Variants in SLFN12L observed in about 807,000 individuals in gnomAD.
SLFN12L encodes the protein schlafen family member 12-like.
A neutral mutation model predicts 34.8 loss-of-function variants in SLFN12L; 34 were observed. That is an observed-to-expected ratio of 0.98 (90% confidence interval 0.74 to 1.30). SLFN12L has a LOEUF of 1.30. Ranked by LOEUF, SLFN12L falls within the 50% of genes most tolerant of loss-of-function variation. The probability of loss-of-function intolerance (pLI) is 0.00; values close to 1 mark genes in which losing one functional copy is unlikely to be tolerated. For synonymous variants in SLFN12L, 259 were observed against 247.5 expected, an observed-to-expected ratio of 1.05 and a Z score of -0.44; for missense variants, 703 against 696.2, an observed-to-expected ratio of 1.01 and a Z score of -0.11.
At position 35,480,064 on chromosome 17, in the gene SLFN12L, A is replaced by T. The variant is rs1567648461; in HGVS notation, c.218T>A (p.Met73Lys). The T allele has an allele frequency of 3.7e-6, 6 of 1,613,766 alleles. No individual in the cohort carries two copies. Among genetic ancestry groups the T allele is most frequent in the Non-Finnish European group, 5.1e-6 (6 of 1,179,932 alleles). ...CTGTTTTCTCAGTTGACAATCCTTC[A>T]TTTTTTTTCTATTGTTCTCTCCAAG... is the stretch of plus-strand genomic sequence containing the variant. ...VTLGENNRKK[M>K]KDCQLRKQQN... is the part of the protein sequence containing the mutation. The change falls in exon 3 of 5, where the codon ATG becomes AAG. Residue 73 changes from methionine to lysine, a missense_variant. Physicochemically the swap from Met to Lys is moderately conservative, Grantham distance 95. Transcript: ENST00000628453.
chr17:35,498,948 C>T lies in SLFN12L; in HGVS notation c.87-18753G>A, dbSNP rs141258952. The T allele has an allele frequency of 6.3e-4, 455 of 718,264 alleles. 1 individual carries two copies. In the Middle Eastern group the frequency reaches 0.021, roughly 34 times the overall value. The allele number at this position is 718,264 out of a possible 1,614,324, so 44.5% of individuals were successfully genotyped here. On this transcript the variant is annotated intron_variant, in intron 2 of 4. Transcript: ENST00000628453. ...TGCTGCCCTGGAGGTCTTACAGGAG[C>T]GCATTAAGCAAGTCAAGGATGGGTG...
chr17:35,495,817 T>C (rs751851018), intron 2 of SLFN12L, among the ~76,000 whole-genome samples: 32 of 150,524 alleles, frequency 2.1e-4, no homozygotes, highest in Non-Finnish European at 4.3e-4. Context: ...CTGGTCAGGG[T>C]GAGGACCCCC....
intron 2 of SLFN12L, among the ~76,000 whole-genome samples, chr17:35,493,614 T>C (rs1359052517): frequency 6.6e-6 from 1 of 152,244 alleles, no homozygotes; most frequent in East Asian, 1.9e-4. Context: ...ATGTCCATAC[T>C]GTATTTTGTT....
chr17:35,499,898 C>T (rs1332567253), intron 2 of SLFN12L: 1 of 159,424 alleles, frequency 6.3e-6, no homozygotes, highest in Non-Finnish European at 1.3e-5. Flanking sequence ...AAAATGTAGG[C>T]CAAGGAAGAT....
rs1913775965 is a variant in SLFN12L, at chr17:35,469,782, T to A, written c.*5141A>T. On this transcript the variant is annotated 3_prime_UTR_variant, in exon 5 of 5. Coordinates refer to ENST00000628453, the MANE Select transcript of SLFN12L (RefSeq NM_001363830.2). ...TCACACATCGAGCCAATATTTTCCC[T>A]ACCCTACATAAACCCAGGGCCATGT... Among the ~76,000 whole-genome samples the A allele has an allele frequency of 6.6e-6, 1 of 152,142 alleles. No individual in the cohort carries two copies. Among genetic ancestry groups the A allele is most frequent in the African/African-American group, 2.4e-5 (1 of 41,438 alleles).
At chr17:35,498,091 G>T in intron 2 of SLFN12L, 2 of 530,192 alleles carry the variant, frequency 3.8e-6, no homozygotes, top group Non-Finnish European at 6.6e-6. Flanking sequence ...GGCGGGGCGC[G>T]GGGCTCCAGG....
At chr17:35,513,890 G>A (rs548790741) in intron 2 of SLFN12L, among the ~76,000 whole-genome samples, 35 of 152,250 alleles carry the variant, frequency 2.3e-4, no homozygotes. Flanking sequence ...TTGTATCATT[G>A]AAAAAAGATA....
chr17:35,530,523 A>AAAGAAAGAAAGAAAGAAAG (rs1567694723), intron 1 of SLFN12L, among the ~76,000 whole-genome samples: 1 of 43,834 alleles, frequency 2.3e-5, no homozygotes, highest in African/African-American at 7.1e-5. Flanking sequence ...AAAAGAAAAG[A>AAAGAAAGAAAGAAAGAAAG]AAAGAAAAGA....
intron 2 of SLFN12L, chr17:35,490,029 C>G (rs1567659306): frequency 6.2e-6 from 10 of 1,601,172 alleles, no homozygotes; most frequent in Non-Finnish European, 8.5e-6. Flanking sequence ...ACCACGAACA[C>G]TTCCACCACC....
intron 2 of SLFN12L, among the ~76,000 whole-genome samples, chr17:35,515,795 C>A (rs1370376023): frequency 6.6e-6 from 1 of 151,848 alleles, no homozygotes; most frequent in Non-Finnish European, 1.5e-5. Flanking sequence ...AGGAGCCCAC[C>A]ACCACACCCG....
chr17:35,490,343 GA>G lies in SLFN12L; in HGVS notation c.87-10149del, dbSNP rs535857194. 5 of 1,365,690 alleles carry G rather than the reference GA, an allele frequency of 3.7e-6. No individual in the cohort carries two copies. In the Admixed American group the frequency reaches 8.4e-5, roughly 23 times the overall value. The allele number at this position is 1,365,690 out of a possible 1,614,324, so 84.6% of individuals were successfully genotyped here. A position where few individuals can be genotyped will look rare whatever the true frequency, so the allele number is the denominator to read the frequency against. On this transcript the variant is annotated intron_variant, in intron 2 of 4. Transcript: ENST00000628453. Reference sequence around the variant, plus strand: ...TCCAAAAACTCCAAAATCTACCTCAGAAAAAACACGGTACGATAGTCTCTTG... The same window carrying G: ...TCCAAAAACTCCAAAATCTACCTCAGAAAAACACGGTACGATAGTCTCTTG...
intron 2 of SLFN12L, chr17:35,498,401 T>G: frequency 1.6e-6 from 2 of 1,278,120 alleles, no homozygotes; most frequent in Non-Finnish European, 2.3e-6. Context: ...CTGCAGTCCC[T>G]TGCCAGGCAG....
chr17:35,490,046 T>A lies in SLFN12L; in HGVS notation c.87-9851A>T, dbSNP rs1212051439. The A allele has an allele frequency of 3.1e-6, 5 of 1,604,274 alleles. No homozygotes were observed. The East Asian group carries it at 1.1e-4, about 36-fold the overall frequency. ...CACGAACACTTCCACCACCTCCTGT[T>A]CCCTCTCCCTCCAAAGCGGCGCCGT... On this transcript the variant is annotated intron_variant, in intron 2 of 4. Coordinates refer to ENST00000628453, the MANE Select transcript of SLFN12L (RefSeq NM_001363830.2).
chr17:35,479,199 A>G lies in SLFN12L; in HGVS notation c.1083T>C (p.Pro361=). The change falls in exon 3 of 5, where the codon CCT becomes CCC. Residue 361 remains proline (P), a synonymous_variant. Transcript: ENST00000628453. ...TGTTATCTTTCACGTGCCAGGAATC[A>G]GGCTTTTTAGCAAACACTGCACAGC... The part of the protein sequence containing the change: ...RFCCAVFAKK[P]DSWHVKDNRV... 6.3e-7 allele frequency: 1 copy of G among 1,582,148 alleles called. No individual in the cohort carries two copies.
At position 35,536,781 on chromosome 17, in the gene SLFN12L, C is replaced by G. The variant is rs186168253; in HGVS notation, c.-606+792G>C. Among the ~76,000 whole-genome samples, 536 of 151,610 alleles carry G rather than the reference C, an allele frequency of 3.5e-3. 6 individuals carry two copies. Among genetic ancestry groups the G allele is most frequent in the African/African-American group, 0.013 (516 of 41,240 alleles). ...CCACGATTGCATCACTGCACTCCAG[C>G]CTGGGTGACAGAGTGAGAGCCTGTC... On this transcript the variant is annotated intron_variant, in intron 1 of 4. Coordinates refer to ENST00000628453, the MANE Select transcript of SLFN12L (RefSeq NM_001363830.2).
rs1415228807 is a variant in SLFN12L at position 35,468,039 on chromosome 17, A to G, written c.*6884T>C. On this transcript the variant is annotated 3_prime_UTR_variant, in exon 5 of 5. Transcript: ENST00000628453. ...ATCCTCTCACCTCAGCCTCCTGAGA[A>G]GCTGCGACCACAGGCACACACTACC... Among the ~76,000 whole-genome samples the G allele has an allele frequency of 6.6e-6, 1 of 152,128 alleles. No individual in the cohort carries two copies. The highest frequency in any genetic ancestry group is 1.5e-5 in the Non-Finnish European group (1 of 68,022).
intron 1 of SLFN12L, among the ~76,000 whole-genome samples, chr17:35,530,514 A>AATT (rs2072397832): frequency 3.5e-5 from 1 of 28,870 alleles, no homozygotes; most frequent in Admixed American, 2.8e-4. Context: ...GAAAGAAAGA[A>AATT]AAGAAAAGAA....
chr17:35,509,120 G>A (rs1337523583), intron 2 of SLFN12L, among the ~76,000 whole-genome samples: 1 of 152,174 alleles, frequency 6.6e-6, no homozygotes, highest in African/African-American at 2.4e-5. Flanking sequence ...TGATGACAGT[G>A]TCTTATATGA....
At chr17:35,536,624 C>A (rs2072463683) in intron 1 of SLFN12L, among the ~76,000 whole-genome samples, 2 of 151,554 alleles carry the variant, frequency 1.3e-5, no homozygotes, top group African/African-American at 2.4e-5. Flanking sequence ...CCAGTCTGAG[C>A]AAGGAAATCC....
Sources: allele counts gnomAD v4.1 joint callset (sites outside exome capture counted in the v4.1 genomes callset), GRCh38; gene constraint gnomAD v4.1.1; transcripts MANE v1.5; gene names NCBI Gene and HGNC (gene_info 2026-07-23, HGNC 2026-07-21).